Variants in PRMT1 observed in about 807,000 individuals in gnomAD.
PRMT1 encodes protein arginine methyltransferase 1.
Under a neutral mutation model 47.4 loss-of-function variants are expected in PRMT1, and 5 were observed. The observed-to-expected ratio is 0.11, with a 90% CI of 0.06 to 0.22. The LOEUF (loss-of-function observed/expected upper bound fraction) is 0.22, where lower values mean the gene tolerates loss of function less well. Ranked by LOEUF, PRMT1 falls within the 10% of genes least tolerant of loss-of-function variation. The probability of loss-of-function intolerance (pLI) is 1.00; values close to 1 mark genes in which losing one functional copy is unlikely to be tolerated. For missense variants in PRMT1, 249 were observed against 518.4 expected (o/e 0.48, Z 5.05); for synonymous variants, 227 against 204.6 (o/e 1.11, Z -0.94).
rs560604082 is a variant in PRMT1, at chr19:49,682,234, C to T, written c.387C>T (p.Ile129=). ...GTATCTCTGATTATGCGGTGAAGAT[C>T]GTCAAAGCCAACAAGTTAGACCACG... is the stretch of plus-strand genomic sequence containing the variant. ...CSSISDYAVK[I]VKANKLDHVV... Residue 129 remains isoleucine (I), a synonymous_variant, in exon 5 of 11, where the codon ATC becomes ATT. Coordinates refer to ENST00000454376, the MANE Select transcript of PRMT1 (RefSeq NM_001536.6). The T allele has an allele frequency of 6.8e-6, 11 of 1,613,700 alleles. No homozygotes were observed. Among genetic ancestry groups the T allele is most frequent in the African/African-American group, 1.3e-5 (1 of 75,030 alleles).
chr19:49,684,661 C>T lies in PRMT1; in HGVS notation c.556-93C>T, dbSNP rs2082177814. The T allele has an allele frequency of 2.2e-6, 3 of 1,390,586 alleles. No individual in the cohort carries two copies. Among genetic ancestry groups the T allele is most frequent in the Admixed American group, 2.1e-5 (1 of 47,624 alleles). The allele number at this position is 1,390,586 out of a possible 1,614,324, so 86.1% of individuals were successfully genotyped here. A position where few individuals can be genotyped will look rare whatever the true frequency, so the allele number is the denominator to read the frequency against. On this transcript the variant is annotated intron_variant, in intron 6 of 10. Coordinates refer to ENST00000454376, the MANE Select transcript of PRMT1 (RefSeq NM_001536.6). This position sits in a 1 kb window ranked among gnomAD's most constrained non-coding sequence, Gnocchi z 6.2. ...GAGTGCCGCTGCGACATGAGGGTGGCCCAGACCAGGGCAGGAGGCCACATC... is the reference window on the plus strand; with the variant it reads ...GAGTGCCGCTGCGACATGAGGGTGGTCCAGACCAGGGCAGGAGGCCACATC...
Position 49,684,791 on chromosome 19 carries a change from T to C in PRMT1, c.593T>C (p.Leu198Pro). Residue 198 changes from leucine (L) to proline (P), a missense_variant, in exon 7 of 11, where the codon CTG becomes CCG. Leu to Pro is a moderately conservative substitution (Grantham distance 98). Around this residue, in one of 2 missense-constraint regions of PRMT1, gnomAD observed 190 missense variants for 456.7 expected, o/e 0.42. Transcript: ENST00000454376. This position sits in a 1 kb window ranked among gnomAD's most constrained non-coding sequence, Gnocchi z 6.2. ...CTCATCTTCCCAGACCGGGCCACGC[T>C]GTATGTGACGGCCATCGAGGACCGG... ...DGLIFPDRAT[L>P]YVTAIEDRQY... 6.3e-7 allele frequency: 1 copy of C among 1,579,746 alleles called. No homozygotes were observed. The highest frequency in any genetic ancestry group is 8.6e-7 in the Non-Finnish European group (1 of 1,162,716).
rs773084044 is a variant in PRMT1 at position 49,686,110 on chromosome 19, C to T, written c.777C>T (p.Thr259=). ...TCCTGCAGGAGGTGGACATCTATAC[C>T]GTCAAGGTGGAAGACCTGACCTTCA... The part of the protein sequence containing the change: ...ACLIKEVDIY[T]VKVEDLTFTS... The change falls in exon 9 of 11, where the codon ACC becomes ACT. Residue 259 remains threonine (T), a synonymous_variant. Coordinates refer to ENST00000454376, the MANE Select transcript of PRMT1 (RefSeq NM_001536.6). 14 of 1,613,752 alleles carry T rather than the reference C, an allele frequency of 8.7e-6. No homozygotes were observed. Among genetic ancestry groups the T allele is most frequent in the South Asian group, 3.3e-5 (3 of 91,062 alleles).
At chr19:49,677,768 G>T (rs954762443) in intron 1 of PRMT1, among the ~76,000 whole-genome samples, 3 of 152,136 alleles carry the variant, frequency 2.0e-5, no homozygotes, top group African/African-American at 7.2e-5. Flanking sequence ...CGTGGGGTGT[G>T]ATCGACCTGG....
In PRMT1 at chr19:49,685,301, A is replaced by C. The variant is rs192731440; in HGVS notation, c.759+264A>C. 1,374 of 1,392,172 alleles carry C rather than the reference A, an allele frequency of 9.9e-4. 12 individuals carry two copies. In the African/African-American group the frequency reaches 0.018, roughly 19 times the overall value. 86.2% of individuals were successfully genotyped at this position (1,392,172 alleles called of 1,614,324 possible). ...AGCTGGCAGCTAAAGCCCACAGCCC[A>C]TGCACGGAAAGGCAGGACCCCAGGG... is the stretch of plus-strand genomic sequence containing the variant. On this transcript the variant is annotated intron_variant, in intron 8 of 10. Transcript: ENST00000454376. This position sits in a 1 kb window ranked among gnomAD's most constrained non-coding sequence, Gnocchi z 4.7.
Position 49,680,888 on chromosome 19 carries a change from C to T in PRMT1, c.192+300C>T, listed in dbSNP as rs1048716493. Among the ~76,000 whole-genome samples the T allele has an allele frequency of 1.3e-5, 2 of 152,238 alleles. No individual in the cohort carries two copies. The highest frequency in any genetic ancestry group is 2.1e-4 in the South Asian group (1 of 4,834). On this transcript the variant is annotated intron_variant, in intron 3 of 10. Transcript: ENST00000454376. This position sits in a 1 kb window ranked among gnomAD's most constrained non-coding sequence, Gnocchi z 4.2. ...GTCTCTGCCGCCCTCTAGTGACCGG[C>T]GGTGGGACTGCGCCCCGGCTGCTCC...
At chr19:49,687,520 C>CG (rs895679539) in intron 10 of PRMT1, among the ~76,000 whole-genome samples, 1 of 151,622 alleles carries the variant, frequency 6.6e-6, no homozygotes, top group Admixed American at 6.6e-5. Context: ...CCCCGCCCCC[C>CG]CCCAGGACGT....
chr19:49,683,620 G>T (rs868001882), intron 5 of PRMT1: 4 of 235,660 alleles, frequency 1.7e-5, no homozygotes, highest in Non-Finnish European at 3.4e-5. Context: ...CCCGGGAGGC[G>T]GAGGTTGCAG....
chr19:49,682,827 C>T (rs546258050), intron 5 of PRMT1, among the ~76,000 whole-genome samples: 2 of 140,794 alleles, frequency 1.4e-5, no homozygotes, highest in East Asian at 4.1e-4. Context: ...CACTCTTTTG[C>T]CAGGCTGGAG....
At chr19:49,677,512 C>T (rs978282058) in intron 1 of PRMT1, 196 bp downstream of exon 1, 1 of 431,258 alleles carries the variant, frequency 2.3e-6, no homozygotes, top group Middle Eastern at 3.1e-4. Flanking sequence ...CTTCGGCATC[C>T]GGCCTAGCGG....
At chr19:49,676,997 C>T (rs551516409), upstream of PRMT1, 19 of 371,964 alleles carry the variant, frequency 5.1e-5, no homozygotes, top group East Asian at 7.0e-4. Flanking sequence ...TGCCCAATCA[C>T]CAGTCGCGCT....
chr19:49,686,812 G>A (rs1371094372), intron 10 of PRMT1, 86 bp downstream of exon 10: 2 of 239,434 alleles, frequency 8.4e-6, no homozygotes, highest in African/African-American at 2.6e-5. Context: ...AGGAATGGTG[G>A]CAGCGGGGGT....
intron 5 of PRMT1, 54 bp downstream of exon 5, chr19:49,682,313 T>TC: frequency 6.4e-7 from 1 of 1,560,494 alleles, no homozygotes; most frequent in East Asian, 2.2e-5. Flanking sequence ...ATGCCCTGCT[T>TC]CCCCAGGGCC....
At position 49,686,104 on chromosome 19, in the gene PRMT1, C is replaced by T. The variant is rs1290148209; in HGVS notation, c.771C>T (p.Ile257=). The T allele has an allele frequency of 1.9e-6, 3 of 1,613,576 alleles. No individual in the cohort carries two copies. The Admixed American group carries it at 5.0e-5, about 27-fold the overall frequency. ...TNACLIKEVD[I]YTVKVEDLTF... ...CTCATGTCCTGCAGGAGGTGGACAT[C>T]TATACCGTCAAGGTGGAAGACCTGA... Residue 257 remains isoleucine (I), a synonymous_variant, in exon 9 of 11, where the codon ATC becomes ATT. Transcript: ENST00000454376.
chr19:49,686,532 C>T (rs1017315005), intron 9 of PRMT1, 73 bp from the exon 10 acceptor site: 19 of 1,472,094 alleles, frequency 1.3e-5, no homozygotes, highest in Non-Finnish European at 1.6e-5. Context: ...GTGGGCATTC[C>T]GACAGAGGGA....
rs892457996 is a variant in PRMT1 at position 49,685,980 on chromosome 19, G to A, written c.760-113G>A. On this transcript the variant is annotated intron_variant, in intron 8 of 10. Coordinates refer to ENST00000454376, the MANE Select transcript of PRMT1 (RefSeq NM_001536.6). This position sits in a 1 kb window ranked among gnomAD's most constrained non-coding sequence, Gnocchi z 4.7. ...CGAGGCTGGGTGCCAGTGAGGGAGG[G>A]CTAGCAGGAAGGGGACAGCGAGGTC... 1 of 1,503,394 alleles carries A rather than the reference G, an allele frequency of 6.7e-7. No homozygotes were observed. The allele number at this position is 1,503,394 out of a possible 1,614,324, so 93.1% of individuals were successfully genotyped here.
Position 49,685,428 on chromosome 19 carries a change from T to C in PRMT1, c.759+391T>C. The C allele has an allele frequency of 1.7e-6, 2 of 1,185,954 alleles. No homozygotes were observed. Among genetic ancestry groups the C allele is most frequent in the Non-Finnish European group, 2.1e-6 (2 of 945,868 alleles). The allele number at this position is 1,185,954 out of a possible 1,614,324, so 73.5% of individuals were successfully genotyped here. The stretch of plus-strand genomic sequence containing the variant: ...GTCCCAGCTACTCGGGAGGATCACT[T>C]GGGCCTGGGAGTTCAAGGCTGCAGT... On this transcript the variant is annotated intron_variant, in intron 8 of 10. Transcript: ENST00000454376. The surrounding 1 kb of genome is among the most constrained non-coding windows in gnomAD (Gnocchi z 4.7).
chr19:49,677,964 C>T (rs1390181205), intron 1 of PRMT1, among the ~76,000 whole-genome samples: 1 of 152,178 alleles, frequency 6.6e-6, no homozygotes, highest in Non-Finnish European at 1.5e-5. Flanking sequence ...CCAGAATTCT[C>T]CCCCTCGCCC....
chr19:49,677,045 G>T (rs2082044957), upstream of PRMT1: 2 of 399,042 alleles, frequency 5.0e-6, no homozygotes, highest in East Asian at 3.6e-5. Flanking sequence ...ATCCCGGGTC[G>T]ACTTGAGGGG....
Sources: allele counts gnomAD v4.1 joint callset (sites outside exome capture counted in the v4.1 genomes callset), GRCh38; gene constraint gnomAD v4.1.1; regional missense constraint gnomAD v4.1.1; non-coding constraint Gnocchi (gnomAD v3.1); transcripts MANE v1.5; gene names NCBI Gene and HGNC (gene_info 2026-07-23, HGNC 2026-07-21).